FRMPD4: variants seen among roughly 807,000 people sequenced by gnomAD.
The protein encoded by FRMPD4 is FERM and PDZ domain containing 4.
In FRMPD4, 22 loss-of-function variants were observed where a neutral mutation model predicts 94.1. The ratio of observed to expected loss-of-function variants is 0.23; its 90% CI spans 0.17 to 0.33. FRMPD4 has a LOEUF of 0.33. Ranked by LOEUF, FRMPD4 falls within the 10% of genes least tolerant of loss-of-function variation. The pLI is 1.00. For missense variants in FRMPD4, 1,111 were observed against 1,339.9 expected (o/e 0.83, Z 2.67); for synonymous variants, 631 against 548.6 (o/e 1.15, Z -2.10).
chrX:11,879,458 A>G lies in FRMPD4; in HGVS notation c.95+1440A>G, dbSNP rs1013184891. ...ATAAAAGAGGTAAGAAATATTTTAA[A>G]TCAAAATACTAGGCCAAACCACTGA... is the stretch of plus-strand genomic sequence containing the variant. On this transcript the variant is annotated intron_variant, in intron 3 of 18. Transcript: ENST00000640291. Among the ~76,000 whole-genome samples the G allele has an allele frequency of 2.7e-5, 3 of 111,046 alleles. No individual in the cohort carries two copies. In the Admixed American group the frequency reaches 2.9e-4, roughly 11 times the overall value.
chrX:12,000,202 A>G (rs1288812012), intron 3 of FRMPD4, among the ~76,000 whole-genome samples: 1 of 111,974 alleles, frequency 8.9e-6, no homozygotes, highest in Non-Finnish European at 1.9e-5. Context: ...CTCCTACCAC[A>G]TGAAATATTT....
intron 1 of FRMPD4, among the ~76,000 whole-genome samples, chrX:12,202,177 G>T (rs1003759309): frequency 3.6e-5 from 4 of 111,414 alleles, no homozygotes; most frequent in Admixed American, 9.5e-5. Flanking sequence ...TATTGACAGT[G>T]TACACGGACT....
chrX:12,295,829 T>C (rs1336497956), intron 1 of FRMPD4, among the ~76,000 whole-genome samples: 5 of 112,399 alleles, frequency 4.4e-5, no homozygotes, highest in Non-Finnish European at 7.5e-5. Context: ...AACCTTGCTT[T>C]AGTATCTGGA....
intron 3 of FRMPD4, among the ~76,000 whole-genome samples, chrX:11,986,670 CTT>C (rs1346308405): frequency 9.0e-6 from 1 of 111,111 alleles, no homozygotes; most frequent in Non-Finnish European, 1.9e-5. Flanking sequence ...AATTGACAAA[CTT>C]TAGCCAGACA....
rs181173330 is a variant in FRMPD4 at position 12,088,602 on chromosome X, G to T, written c.95+210584G>T. Among the ~76,000 whole-genome samples the T allele has an allele frequency of 2.7e-5, 3 of 111,958 alleles. No homozygotes were observed. In the Admixed American group the frequency reaches 2.8e-4, roughly 11 times the overall value. The stretch of plus-strand genomic sequence containing the variant: ...CCAGTGTGTTTACCAAAAGACTAGA[G>T]GTGGTGAACTGGTGCTGGAGAATTG... On this transcript the variant is annotated intron_variant, in intron 3 of 18. Transcript: ENST00000640291.
chrX:12,447,992 G>A (rs1335407594), intron 1 of FRMPD4, among the ~76,000 whole-genome samples: 5 of 111,807 alleles, frequency 4.5e-5, no homozygotes, highest in Non-Finnish European at 7.5e-5. Context: ...AGGTGTCACG[G>A]GTGGTGACTG....
At chrX:12,441,019 T>TA (rs1334118521) in intron 1 of FRMPD4, among the ~76,000 whole-genome samples, 1 of 112,448 alleles carries the variant, frequency 8.9e-6, no homozygotes, top group African/African-American at 3.2e-5. Context: ...GATGCTCATT[T>TA]AGGAGGTTGG....
intron 1 of FRMPD4, among the ~76,000 whole-genome samples, chrX:12,366,324 G>A (rs1053276299): frequency 2.7e-5 from 3 of 112,176 alleles, no homozygotes; most frequent in Admixed American, 9.4e-5. Context: ...GCTGAATGAT[G>A]ATGAACCTCC....
intron 3 of FRMPD4, among the ~76,000 whole-genome samples, chrX:12,007,331 C>A (rs373852187): frequency 8.9e-6 from 1 of 112,382 alleles, no homozygotes; most frequent in Admixed American, 9.4e-5. Context: ...GCCCTGTTCA[C>A]CTTGGAGATT....
Position 12,535,159 on chromosome X carries a change from T to C in FRMPD4, c.158+36363T>C, listed in dbSNP as rs766580383. 2.7e-5 allele frequency among the ~76,000 whole-genome samples: 3 copies of C among 111,780 alleles called. No individual in the cohort carries two copies. The East Asian group carries it at 8.4e-4, about 31-fold the overall frequency. On this transcript the variant is annotated intron_variant, in intron 2 of 16. Transcript: ENST00000675598. ...AAAAAGGGGAGTTTCCCAGCAAGTT[T>C]CTTCTCTTGTCTGCTGCCATGTCTC... is the stretch of plus-strand genomic sequence containing the variant.
chrX:11,863,252 A>G (rs1256204713), intron 1 of FRMPD4, among the ~76,000 whole-genome samples: 1 of 106,712 alleles, frequency 9.4e-6, no homozygotes, highest in African/African-American at 3.4e-5. Context: ...GTTCCCATCT[A>G]TGAGTGAGAA....
chrX:12,333,183 T>C (rs1251896239), intron 1 of FRMPD4, among the ~76,000 whole-genome samples: 1 of 112,346 alleles, frequency 8.9e-6, no homozygotes, highest in Non-Finnish European at 1.9e-5. Context: ...ACACATTTTA[T>C]AGGCCATATG....
chrX:11,893,749 T>G (rs2053887463), intron 3 of FRMPD4, among the ~76,000 whole-genome samples: 1 of 111,601 alleles, frequency 9.0e-6, no homozygotes, highest in South Asian at 3.8e-4. Flanking sequence ...TGTATCAATT[T>G]GCCTAGGTGC....
At chrX:12,671,640 C>A (rs1166688353) in intron 4 of FRMPD4, among the ~76,000 whole-genome samples, 1 of 110,560 alleles carries the variant, frequency 9.0e-6, no homozygotes, top group Non-Finnish European at 1.9e-5. Flanking sequence ...ATGTAAATGA[C>A]AGATTGATGG....
At chrX:12,169,628 TG>T (rs1447147049) in intron 1 of FRMPD4, among the ~76,000 whole-genome samples, 1 of 112,175 alleles carries the variant, frequency 8.9e-6, no homozygotes, top group African/African-American at 3.2e-5. Context: ...GGAGATTGTA[TG>T]TTCTATTAGG....
intron 3 of FRMPD4, among the ~76,000 whole-genome samples, chrX:11,961,766 G>C (rs2054284800): frequency 1.8e-5 from 2 of 111,195 alleles, no homozygotes; most frequent in African/African-American, 6.5e-5. Context: ...AAATTAGCCA[G>C]CTCAACAGTC....
chrX:12,367,763 C>T (rs905065058), intron 1 of FRMPD4, among the ~76,000 whole-genome samples: 1 of 111,650 alleles, frequency 9.0e-6, no homozygotes, highest in Non-Finnish European at 1.9e-5. Context: ...AACCTTAAGT[C>T]AGGAGATGTT....
intron 1 of FRMPD4, among the ~76,000 whole-genome samples, chrX:12,250,048 C>CTG (rs748541779): frequency 1.9e-4 from 15 of 78,243 alleles, no homozygotes; most frequent in African/African-American, 5.3e-4. Context: ...CTCTCTCTCT[C>CTG]TGTGTGTGTG....
chrX:12,268,101 T>G (rs1382871028), intron 1 of FRMPD4, among the ~76,000 whole-genome samples: 2 of 112,357 alleles, frequency 1.8e-5, no homozygotes, highest in African/African-American at 6.5e-5. Flanking sequence ...CTCCTCTACA[T>G]CTGTAGCGTC....
Sources: gnomAD v4.1 joint callset for allele counts (sites outside exome capture counted in the v4.1 genomes callset) on GRCh38, gnomAD v4.1.1 for gene constraint, MANE v1.5 for transcripts, NCBI Gene and HGNC (gene_info 2026-07-23, HGNC 2026-07-21) for gene names.